The following PLA2G4A variants were observed in gnomAD, a reference collection of about 807,000 sequenced individuals.
The protein encoded by PLA2G4A is phospholipase A2 group IVA.
A neutral mutation model predicts 81.9 loss-of-function variants in PLA2G4A; 40 were observed. That is an observed-to-expected ratio of 0.49 (90% CI 0.38 to 0.64). The LOEUF is 0.64. Among genes scored for constraint, PLA2G4A ranks in the 30% least tolerant of loss-of-function variants. PLA2G4A has a pLI of 0.00. For synonymous variants in PLA2G4A, 302 were observed against 296.9 expected (o/e 1.02, Z -0.18); for missense variants, 715 against 905.1 (o/e 0.79, Z 2.69).
At chr1:186,914,913 C>T (rs554336268) in intron 7 of PLA2G4A, among the ~76,000 whole-genome samples, 35 of 152,238 alleles carry the variant, frequency 2.3e-4, no homozygotes, top group African/African-American at 7.9e-4. Context: ...TCTTGCAAGA[C>T]GGATCAATAG....
At chr1:186,940,277 C>G (rs748226407) in intron 10 of PLA2G4A, among the ~76,000 whole-genome samples, 183 bp downstream of exon 10, 2 of 152,068 alleles carry the variant, frequency 1.3e-5, no homozygotes, top group Non-Finnish European at 1.5e-5. Flanking sequence ...AGAGAATATT[C>G]CATGAAACTA....
chr1:186,858,242 A>G (rs1374226121), intron 2 of PLA2G4A, among the ~76,000 whole-genome samples: 2 of 152,098 alleles, frequency 1.3e-5, no homozygotes, highest in African/African-American at 4.8e-5. Flanking sequence ...AAGCATTCCT[A>G]TTTCTCCACA....
At chr1:186,834,876 G>A (rs986396240) in intron 1 of PLA2G4A, among the ~76,000 whole-genome samples, 1 of 152,016 alleles carries the variant, frequency 6.6e-6, no homozygotes, top group Admixed American at 6.5e-5. Context: ...TTGGCATAAA[G>A]CATTTGTATC....
At chr1:186,870,538 G>T in intron 3 of PLA2G4A, 22 bp downstream of exon 3, 1 of 1,509,168 alleles carries the variant, frequency 6.6e-7, no homozygotes, top group Non-Finnish European at 9.2e-7. Context: ...TTTTTTCTTT[G>T]CTGTTAAACA....
Position 186,900,622 on chromosome 1 carries a change from C to T in PLA2G4A, c.379-6343C>T, listed in dbSNP as rs534684571. ...CAAATGTGGTTTGGGGTTATAGTGG[C>T]CCATTTTAAAGTGGGAAGGTCTAGA... On this transcript the variant is annotated intron_variant, in intron 5 of 17. Coordinates refer to ENST00000367466, the MANE Select transcript of PLA2G4A (RefSeq NM_024420.3). Among the ~76,000 whole-genome samples the T allele has an allele frequency of 2.6e-5, 4 of 152,230 alleles. No homozygotes were observed. In the South Asian group the frequency reaches 8.3e-4, roughly 32 times the overall value.
chr1:186,986,098 C>T (rs1298069540), intron 17 of PLA2G4A, among the ~76,000 whole-genome samples: 1 of 152,132 alleles, frequency 6.6e-6, no homozygotes, highest in Non-Finnish European at 1.5e-5. Flanking sequence ...CCTAGTGGAT[C>T]AACTTGCACA....
intron 17 of PLA2G4A, among the ~76,000 whole-genome samples, chr1:186,984,697 G>C (rs752132096): frequency 6.6e-6 from 1 of 152,014 alleles, no homozygotes; most frequent in African/African-American, 2.4e-5. Context: ...TAATATATTA[G>C]TCCATAACTC....
intron 3 of PLA2G4A, among the ~76,000 whole-genome samples, chr1:186,878,290 T>C (rs951463712): frequency 2.9e-5 from 4 of 139,626 alleles, no homozygotes; most frequent in African/African-American, 1.1e-4. Context: ...TAAATATATC[T>C]TTTCTGATAT....
intron 2 of PLA2G4A, among the ~76,000 whole-genome samples, chr1:186,858,262 G>A (rs1304169009): frequency 6.6e-6 from 1 of 152,136 alleles, no homozygotes; most frequent in Admixed American, 6.6e-5. Flanking sequence ...ATCCTCTCCA[G>A]AATCTGTTGT....
In PLA2G4A at chr1:186,876,239, A is replaced by G. The variant is rs192863329; in HGVS notation, c.115+5723A>G. Reference sequence around the variant, plus strand: ...AACGGTTTATTTTGACAGTATGCTCATGCATAAAGTAGATATTCTAAATAT... The same window carrying G: ...AACGGTTTATTTTGACAGTATGCTCGTGCATAAAGTAGATATTCTAAATAT... On this transcript the variant is annotated intron_variant, in intron 3 of 17. Coordinates refer to ENST00000367466, the MANE Select transcript of PLA2G4A (RefSeq NM_024420.3). 5.9e-5 allele frequency among the ~76,000 whole-genome samples: 9 copies of G among 152,286 alleles called. No homozygotes were observed. The East Asian group carries it at 1.7e-3, about 29-fold the overall frequency.
chr1:186,966,197 T>C (rs1250171230), intron 15 of PLA2G4A, among the ~76,000 whole-genome samples: 2 of 149,120 alleles, frequency 1.3e-5, no homozygotes, highest in South Asian at 2.2e-4. Flanking sequence ...TAAGAGGATG[T>C]GGGGAAGAGG....
intron 15 of PLA2G4A, among the ~76,000 whole-genome samples, chr1:186,973,542 A>G (rs1168265267): frequency 2.6e-5 from 4 of 152,142 alleles, no homozygotes. Flanking sequence ...TCAACCCACT[A>G]CACTCATATT....
chr1:186,892,233 T>A (rs912371870), intron 3 of PLA2G4A, among the ~76,000 whole-genome samples: 8 of 152,186 alleles, frequency 5.3e-5, no homozygotes, highest in Non-Finnish European at 1.2e-4. Context: ...TCTCCCATTC[T>A]GTGGGTTGTC....
At chr1:186,941,036 G>A (rs1656134619) in intron 10 of PLA2G4A, among the ~76,000 whole-genome samples, 1 of 151,054 alleles carries the variant, frequency 6.6e-6, no homozygotes, top group Non-Finnish European at 1.5e-5. Flanking sequence ...CATGAACTCG[G>A]GAGACAGAGG....
chr1:186,879,155 A>G (rs1289459498), intron 3 of PLA2G4A, among the ~76,000 whole-genome samples: 3 of 151,774 alleles, frequency 2.0e-5, no homozygotes, highest in Non-Finnish European at 2.9e-5. Flanking sequence ...TTTCATTCTC[A>G]CTCCTCACTT....
chr1:186,988,457 T>C lies in PLA2G4A; in HGVS notation c.2199T>C (p.Val733=), dbSNP rs772808948. The C allele has an allele frequency of 3.7e-6, 6 of 1,612,270 alleles. No homozygotes were observed. The African/African-American group carries it at 8.0e-5, about 22-fold the overall frequency. ...PSRCSVSLSN[V]EARRFFNKEF... is the part of the protein sequence containing the mutation. ...GTTGCTCTGTTTCCCTTAGTAATGTTGAGGCAAGAAGATTTTTCAACAAGG... is the reference window on the plus strand; with the variant it reads ...GTTGCTCTGTTTCCCTTAGTAATGTCGAGGCAAGAAGATTTTTCAACAAGG... The change falls in exon 18 of 18, where the codon GTT becomes GTC. Residue 733 remains valine (V), a synonymous_variant. Transcript: ENST00000367466.
At chr1:186,912,765 A>ATATACATATATAT (rs1655000928) in intron 7 of PLA2G4A, among the ~76,000 whole-genome samples, 2 of 106,312 alleles carry the variant, frequency 1.9e-5, no homozygotes, top group African/African-American at 1.1e-4. Context: ...TATATACATA[A>ATATACATATATAT]GTATATATAT....
chr1:186,939,492 GAAAAAAAAAA>G lies in PLA2G4A; in HGVS notation c.918+274_918+283del, dbSNP rs10599543. Among the ~76,000 whole-genome samples, 1,061 of 143,200 alleles carry G rather than the reference GAAAAAAAAAA, an allele frequency of 7.4e-3. 20 individuals carry two copies. The highest frequency in any genetic ancestry group is 0.025 in the African/African-American group (1,002 of 40,006). The allele number at this position is 143,200 out of a possible 152,430, so 93.9% of individuals were successfully genotyped here. A position where few individuals can be genotyped will look rare whatever the true frequency, so the allele number is the denominator to read the frequency against. On this transcript the variant is annotated intron_variant, in intron 9 of 17. Coordinates refer to ENST00000367466, the MANE Select transcript of PLA2G4A (RefSeq NM_024420.3). Reference sequence around the variant, plus strand: ...AGTGCTTTTGTATTCCTTTTCTCTGGAAAAAAAAAAAAAAAAAAAAATTCACATTTTAACC... The same window carrying G: ...AGTGCTTTTGTATTCCTTTTCTCTGGAAAAAAAAAAATTCACATTTTAACC...
At chr1:186,838,026 T>C (rs1651851172) in intron 1 of PLA2G4A, among the ~76,000 whole-genome samples, 1 of 152,024 alleles carries the variant, frequency 6.6e-6, no homozygotes, top group Non-Finnish European at 1.5e-5. Context: ...TGAAGGAAGA[T>C]GAGGTCGCCT....
Sources: gnomAD v4.1 joint callset for allele counts (sites outside exome capture counted in the v4.1 genomes callset) on GRCh38, gnomAD v4.1.1 for gene constraint, MANE v1.5 for transcripts, NCBI Gene and HGNC (gene_info 2026-07-23, HGNC 2026-07-21) for gene names.